Variants in MAPKAP1 observed in about 807,000 individuals in gnomAD.
MAPKAP1 encodes the protein target of rapamycin complex 2 subunit MAPKAP1.
MAPKAP1 carries 20 observed loss-of-function variants against 65.7 expected under a neutral mutation model. That is an observed-to-expected ratio of 0.30 (90% CI 0.21 to 0.44). The LOEUF is 0.44. MAPKAP1 is among the 20% of genes least tolerant of loss of function. MAPKAP1 has a pLI of 1.00. For missense variants in MAPKAP1, 423 were observed against 648.0 expected, an observed-to-expected ratio of 0.65 and a Z score of 3.77; for synonymous variants, 222 against 244.3, an observed-to-expected ratio of 0.91 and a Z score of 0.85.
At position 125,554,704 on chromosome 9, in the gene MAPKAP1, G is replaced by C. The variant is rs374263921; in HGVS notation, c.848+4929C>G. On this transcript the variant is annotated intron_variant, in intron 6 of 11. Transcript: ENST00000265960. The stretch of plus-strand genomic sequence containing the variant: ...CCAGCTACTTGGGAGGCTGAGGCAG[G>C]AGGGTCCTTTGAGCCCAGGAGTTTG... Among the ~76,000 whole-genome samples, 743 of 149,834 alleles carry C rather than the reference G, an allele frequency of 5.0e-3. 4 individuals are homozygous for C. The highest frequency in any genetic ancestry group is 0.017 in the African/African-American group (703 of 40,536).
chr9:125,540,456 C>T (rs1281625599), intron 7 of MAPKAP1, among the ~76,000 whole-genome samples: 1 of 152,234 alleles, frequency 6.6e-6, no homozygotes, highest in Non-Finnish European at 1.5e-5. Flanking sequence ...TGTAGCACAA[C>T]TAACCTCTGT....
chr9:125,661,551 A>G (rs1834186117), intron 3 of MAPKAP1, among the ~76,000 whole-genome samples: 1 of 152,244 alleles, frequency 6.6e-6, no homozygotes. Flanking sequence ...AAATAAAAAA[A>G]GTATTGTACA....
intron 7 of MAPKAP1, among the ~76,000 whole-genome samples, chr9:125,521,216 C>T (rs1358751611): frequency 6.6e-6 from 1 of 152,234 alleles, no homozygotes; most frequent in Non-Finnish European, 1.5e-5. Context: ...TAATACTCTA[C>T]ATCCTGTCAC....
chr9:125,657,949 T>C (rs375054793), intron 3 of MAPKAP1, 150 bp from the exon 4 acceptor site: 1 of 710,626 alleles, frequency 1.4e-6, no homozygotes, highest in Middle Eastern at 3.6e-4. Context: ...CAATATACCG[T>C]GCACTGAAAA....
chr9:125,577,874 G>A lies in MAPKAP1; in HGVS notation c.671+7681C>T, dbSNP rs183618383. Reference sequence around the variant, plus strand: ...AGCTGAGGGGCGCCTCTGCCCGGCCGCCCCTACTGGGAGGTGAGGAGCCCC... The same window carrying A: ...AGCTGAGGGGCGCCTCTGCCCGGCCACCCCTACTGGGAGGTGAGGAGCCCC... On this transcript the variant is annotated intron_variant, in intron 5 of 11. Coordinates refer to ENST00000265960, the MANE Select transcript of MAPKAP1 (RefSeq NM_001006617.3). Among the ~76,000 whole-genome samples, 758 of 150,964 alleles carry A rather than the reference G, an allele frequency of 5.0e-3. 5 individuals are homozygous for A. The highest frequency in any genetic ancestry group is 0.017 in the African/African-American group (715 of 41,146).
chr9:125,690,611 G>C (rs1021329674), intron 1 of MAPKAP1, among the ~76,000 whole-genome samples: 1 of 152,184 alleles, frequency 6.6e-6, no homozygotes, highest in African/African-American at 2.4e-5. Context: ...TTCAGTGCCT[G>C]ACCCATGGTA....
At chr9:125,675,814 A>G (rs1405313345) in intron 1 of MAPKAP1, among the ~76,000 whole-genome samples, 2 of 152,200 alleles carry the variant, frequency 1.3e-5, no homozygotes, top group Non-Finnish European at 2.9e-5. Flanking sequence ...TAAGTCATAT[A>G]TGAATGTGCC....
intron 1 of MAPKAP1, among the ~76,000 whole-genome samples, chr9:125,698,287 AAATATATATATATATATATATATATAT>A (rs1835460508): frequency 1.5e-4 from 4 of 27,092 alleles, no homozygotes; most frequent in African/African-American, 3.1e-4. Flanking sequence ...TAATATATAT[AAATATATATATATATATATATATATAT>A]ATATATATAT....
chr9:125,521,238 C>G (rs940254820), intron 7 of MAPKAP1, among the ~76,000 whole-genome samples: 4 of 152,156 alleles, frequency 2.6e-5, no homozygotes, highest in African/African-American at 9.7e-5. Context: ...ATGCAGCCAG[C>G]AGGAATGTAC....
intron 7 of MAPKAP1, among the ~76,000 whole-genome samples, chr9:125,522,361 A>G (rs1438637505): frequency 1.3e-5 from 2 of 152,228 alleles, no homozygotes; most frequent in Admixed American, 6.5e-5. Context: ...CACCCAATGA[A>G]TTAAATCAGT....
intron 8 of MAPKAP1, among the ~76,000 whole-genome samples, chr9:125,497,816 G>A (rs1398252910): frequency 3.9e-5 from 6 of 152,190 alleles, no homozygotes. Context: ...GGCTTATATT[G>A]GCCCTGATGA....
intron 4 of MAPKAP1, among the ~76,000 whole-genome samples, chr9:125,600,494 T>C (rs1832270692): frequency 6.6e-6 from 1 of 152,214 alleles, no homozygotes; most frequent in Admixed American, 6.5e-5. Context: ...TCAGGAAGTA[T>C]AAAGTGACAA....
At chr9:125,551,725 C>T (rs1830590940) in intron 6 of MAPKAP1, among the ~76,000 whole-genome samples, 1 of 151,696 alleles carries the variant, frequency 6.6e-6, no homozygotes, top group Non-Finnish European at 1.5e-5. Context: ...AATGTCAACA[C>T]ATATAAGGTA....
intron 6 of MAPKAP1, among the ~76,000 whole-genome samples, chr9:125,556,654 C>T (rs2133204545): frequency 6.6e-6 from 1 of 152,170 alleles, no homozygotes; most frequent in East Asian, 1.9e-4. Context: ...TACTGGGAGA[C>T]AAATGGAAGG....
At chr9:125,663,219 G>A (rs1279622613) in intron 3 of MAPKAP1, among the ~76,000 whole-genome samples, 3 of 152,102 alleles carry the variant, frequency 2.0e-5, no homozygotes, top group East Asian at 1.9e-4. Context: ...CACTCTTCCC[G>A]TGCTTACTGT....
chr9:125,538,945 G>C (rs1170116749), intron 7 of MAPKAP1, among the ~76,000 whole-genome samples: 1 of 152,090 alleles, frequency 6.6e-6, no homozygotes, highest in Non-Finnish European at 1.5e-5. Context: ...TTGTCCCTCA[G>C]ACCAGAACCC....
chr9:125,532,355 C>G (rs144710869), intron 7 of MAPKAP1, among the ~76,000 whole-genome samples: 2 of 152,274 alleles, frequency 1.3e-5, no homozygotes, highest in East Asian at 3.9e-4. Context: ...GAATCATTAC[C>G]TTGGTACTTT....
At chr9:125,500,756 T>C (rs1020139955) in intron 8 of MAPKAP1, among the ~76,000 whole-genome samples, 2 of 152,216 alleles carry the variant, frequency 1.3e-5, no homozygotes, top group African/African-American at 4.8e-5. Flanking sequence ...AAGTATTACA[T>C]ATCCAAGAAA....
At position 125,538,374 on chromosome 9, in the gene MAPKAP1, A is replaced by G. The variant is rs555610545; in HGVS notation, c.958+4685T>C. 8.5e-5 allele frequency among the ~76,000 whole-genome samples: 13 copies of G among 152,322 alleles called. No homozygotes were observed. In the South Asian group the frequency reaches 1.9e-3, roughly 22 times the overall value. ...AGGATATATTCTAGAGGTAAAACTGATAAGACTTGCTAATGGATAAGATGT... is the reference window on the plus strand; with the variant it reads ...AGGATATATTCTAGAGGTAAAACTGGTAAGACTTGCTAATGGATAAGATGT... On this transcript the variant is annotated intron_variant, in intron 7 of 11. Transcript: ENST00000265960.
Sources: allele counts gnomAD v4.1 joint callset (sites outside exome capture counted in the v4.1 genomes callset), GRCh38; gene constraint gnomAD v4.1.1; transcripts MANE v1.5; gene names NCBI Gene and HGNC (gene_info 2026-07-23, HGNC 2026-07-21).